The following ACVR1C variants were observed in gnomAD, a reference collection of about 807,000 sequenced individuals.
ACVR1C encodes activin receptor type-1C.
A neutral mutation model predicts 57.9 loss-of-function variants in ACVR1C; 23 were observed. The ratio of observed to expected loss-of-function variants is 0.40; its 90% confidence interval spans 0.29 to 0.56. The LOEUF (loss-of-function observed/expected upper bound fraction) is 0.56. Among genes scored for constraint, ACVR1C ranks in the 20% least tolerant of loss-of-function variants. The pLI, the probability that ACVR1C is intolerant of heterozygous loss-of-function variation, is 0.50. For synonymous variants in ACVR1C, 214 were observed against 215.3 expected (o/e 0.99, Z 0.05); for missense variants, 480 against 607.9 (o/e 0.79, Z 2.21).
chr2:157,610,085 G>A (rs1163894804), intron 1 of ACVR1C, among the ~76,000 whole-genome samples: 1 of 151,862 alleles, frequency 6.6e-6, no homozygotes, highest in African/African-American at 2.4e-5. Flanking sequence ...TTCTGTAGTG[G>A]TCCTATTTGA....
chr2:157,544,489 G>A lies in ACVR1C; in HGVS notation c.899C>T (p.Ala300Val). 3 of 1,613,882 alleles carry A rather than the reference G, an allele frequency of 1.9e-6. No homozygotes were observed. The highest frequency in any genetic ancestry group is 2.5e-6 in the Non-Finnish European group (3 of 1,179,894). The part of the protein sequence containing the change: ...AGMIKLALSI[A>V]SGLAHLHMEI... ...CATATGAAGGTGTGCCAGACCACTA[G>A]CAATTGAGAGCGCCAGCTTGATCAT... The change falls in exon 5 of 9, where the codon GCT becomes GTT. Residue 300 changes from alanine to valine, a missense_variant. By Grantham distance (64) the Ala-to-Val change is moderately conservative (BLOSUM62 0). Coordinates refer to ENST00000243349, the MANE Select transcript of ACVR1C (RefSeq NM_145259.3).
intron 1 of ACVR1C, among the ~76,000 whole-genome samples, chr2:157,613,670 C>T (rs1018004128): frequency 6.6e-5 from 10 of 152,108 alleles, no homozygotes; most frequent in South Asian, 4.1e-4. Context: ...TTGAAATATT[C>T]GATTTTTGAA....
At chr2:157,544,300 C>T in intron 5 of ACVR1C, 145 bp downstream of exon 5, 2 of 669,690 alleles carry the variant, frequency 3.0e-6, no homozygotes, top group Non-Finnish European at 4.3e-6. Context: ...CTCACCTAGA[C>T]TACCAAAATG....
intron 1 of ACVR1C, among the ~76,000 whole-genome samples, chr2:157,612,536 C>T (rs539554491): frequency 6.6e-6 from 1 of 152,266 alleles, no homozygotes; most frequent in East Asian, 1.9e-4. Flanking sequence ...ACTGCTGCAG[C>T]AGTGTGTGGA....
At position 157,531,308 on chromosome 2, in the gene ACVR1C, T is replaced by G. The variant is rs1408806635; in HGVS notation, c.*2610A>C. On this transcript the variant is annotated 3_prime_UTR_variant, in exon 9 of 9. Transcript: ENST00000243349. The stretch of plus-strand genomic sequence containing the variant: ...ATCATTTTTGCTGCTCTATTCCCTT[T>G]CTTAAAAAATGTATTTTGTAATTGA... 1 of 151,976 alleles carries G rather than the reference T, an allele frequency of 6.6e-6. No individual in the cohort carries two copies. Among genetic ancestry groups the G allele is most frequent in the Non-Finnish European group, 1.5e-5 (1 of 67,938 alleles). 9.4% of individuals were successfully genotyped at this position (151,976 alleles called of 1,614,324 possible). A position where few individuals can be genotyped will look rare whatever the true frequency, so the allele number is the denominator to read the frequency against.
In ACVR1C at chr2:157,556,328, T is replaced by C; in HGVS notation, c.309A>G (p.Ser103=). ...NNITLHLPTA[S]PNAPKLGPME... is the part of the protein sequence containing the mutation. Reference sequence around the variant, plus strand: ...TGGGTCCAAGTTTTGGGGCATTTGGTGATGCTACAGTTTAAAGAAGAAAGA... The same window carrying C: ...TGGGTCCAAGTTTTGGGGCATTTGGCGATGCTACAGTTTAAAGAAGAAAGA... The change falls in exon 3 of 9, where the codon TCA becomes TCG. Residue 103 remains serine, a synonymous_variant. Coordinates refer to ENST00000243349, the MANE Select transcript of ACVR1C (RefSeq NM_145259.3). The C allele has an allele frequency of 6.2e-7, 1 of 1,613,896 alleles. No individual in the cohort carries two copies.
intron 1 of ACVR1C, among the ~76,000 whole-genome samples, chr2:157,618,106 A>G (rs1349460694): frequency 6.6e-6 from 1 of 151,926 alleles, no homozygotes; most frequent in Non-Finnish European, 1.5e-5. Flanking sequence ...TAGTATATTC[A>G]TTTTTAAAAT....
intron 1 of ACVR1C, among the ~76,000 whole-genome samples, chr2:157,595,511 A>C (rs1558991296): frequency 1.3e-5 from 2 of 152,180 alleles, no homozygotes; most frequent in Non-Finnish European, 2.9e-5. Context: ...TATAATCCTT[A>C]ATTTGAAAGG....
intron 1 of ACVR1C, among the ~76,000 whole-genome samples, chr2:157,601,053 T>G (rs1033319963): frequency 3.9e-5 from 6 of 152,136 alleles, no homozygotes; most frequent in Non-Finnish European, 7.4e-5. Flanking sequence ...TGCGGTAGCT[T>G]GCACATGTAA....
In ACVR1C at chr2:157,533,794, C is replaced by CACTT. The variant is rs1687414648; in HGVS notation, c.*120_*123dup. The CACTT allele has an allele frequency of 3.4e-6, 3 of 891,546 alleles. No homozygotes were observed. Among genetic ancestry groups the CACTT allele is most frequent in the Non-Finnish European group, 4.6e-6 (3 of 654,416 alleles). The allele number at this position is 891,546 out of a possible 1,614,324, so 55.2% of individuals were successfully genotyped here. On this transcript the variant is annotated 3_prime_UTR_variant, in exon 9 of 9. Transcript: ENST00000243349. ...TTATCTTTTCATGCTGCCTTATGGGCACTTAAATACTGTACTGTCTTATCT... is the reference window on the plus strand; with the variant it reads ...TTATCTTTTCATGCTGCCTTATGGGCACTTACTTAAATACTGTACTGTCTTATCT...
At chr2:157,557,164 CAA>C (rs35826956) in intron 2 of ACVR1C, among the ~76,000 whole-genome samples, 2 of 131,402 alleles carry the variant, frequency 1.5e-5, no homozygotes, top group African/African-American at 2.9e-5. Context: ...AATGGTGCTA[CAA>C]AAAAAAAAAA....
intron 2 of ACVR1C, among the ~76,000 whole-genome samples, chr2:157,585,425 C>T (rs1688896203): frequency 6.6e-6 from 1 of 152,030 alleles, no homozygotes; most frequent in Admixed American, 6.6e-5. Flanking sequence ...ACATATAGAC[C>T]TCTCAGTACT....
chr2:157,576,203 C>CTTTTT (rs10628650), intron 2 of ACVR1C, among the ~76,000 whole-genome samples: 4,195 of 97,668 alleles, frequency 0.043, 70 homozygotes, highest in Non-Finnish European at 0.052. Context: ...ATAATCATTT[C>CTTTTT]TTTTTTTTTT....
At chr2:157,623,226 C>T (rs1327274450) in intron 1 of ACVR1C, among the ~76,000 whole-genome samples, 1 of 152,088 alleles carries the variant, frequency 6.6e-6, no homozygotes, top group Non-Finnish European at 1.5e-5. Flanking sequence ...AAAACTTGAG[C>T]TACCATATGA....
Position 157,556,194 on chromosome 2 carries a change from C to T in ACVR1C, c.443G>A (p.Arg148Lys). 3.1e-6 allele frequency: 5 copies of T among 1,614,076 alleles called. No homozygotes were observed. The highest frequency in any genetic ancestry group is 4.2e-6 in the Non-Finnish European group (5 of 1,179,966). ...GRQCSYRKKK[R>K]PNVEEPLSEC... is the part of the protein sequence containing the mutation. ...AGAGAGTGGTTCCTCCACATTTGGT[C>T]TCTTTTTCTTCCTGTAGGAGCACTG... The change falls in exon 3 of 9, where the codon AGA (arginine) becomes AAA (lysine). Residue 148 changes from arginine to lysine, a missense_variant. Physicochemically the swap from Arg to Lys is conservative, Grantham distance 26. Transcript: ENST00000243349.
chr2:157,565,009 C>A (rs748645462), intron 2 of ACVR1C, among the ~76,000 whole-genome samples: 1 of 151,862 alleles, frequency 6.6e-6, no homozygotes, highest in Non-Finnish European at 1.5e-5. Flanking sequence ...CCAATGCATG[C>A]GGGGCTTAAA....
At chr2:157,540,623 G>C (rs1270796760) in intron 7 of ACVR1C, among the ~76,000 whole-genome samples, 5 of 152,256 alleles carry the variant, frequency 3.3e-5, no homozygotes, top group African/African-American at 1.2e-4. Flanking sequence ...ACTACTGGGA[G>C]CAGTAAAGGT....
At chr2:157,564,176 G>A (rs1573923123) in intron 2 of ACVR1C, among the ~76,000 whole-genome samples, 1 of 152,224 alleles carries the variant, frequency 6.6e-6, no homozygotes, top group Middle Eastern at 3.4e-3. Context: ...GAGTGAACAG[G>A]TAACCTACAG....
At chr2:157,597,477 CT>C (rs1157829193) in intron 1 of ACVR1C, 10 of 985,354 alleles carry the variant, frequency 1.0e-5, no homozygotes, top group Non-Finnish European at 1.2e-5. Context: ...GATGCCCCAG[CT>C]TTCCGCTGGA....
Sources: gnomAD v4.1 joint callset for allele counts (sites outside exome capture counted in the v4.1 genomes callset) on GRCh38, gnomAD v4.1.1 for gene constraint, MANE v1.5 for transcripts, NCBI Gene and HGNC (gene_info 2026-07-23, HGNC 2026-07-21) for gene names.